CLSTN2: variants seen among roughly 807,000 people sequenced by gnomAD.
The protein encoded by CLSTN2 is calsyntenin 2, also known as calsyntenin-2.
A neutral mutation model predicts 101.2 loss-of-function variants in CLSTN2; 48 were observed. The ratio of observed to expected loss-of-function variants is 0.47; its 90% CI spans 0.38 to 0.60. CLSTN2 has a LOEUF of 0.60. CLSTN2 is among the 20% of genes least tolerant of loss of function. The probability of loss-of-function intolerance (pLI) is 0.00; values close to 1 mark genes in which losing one functional copy is unlikely to be tolerated. For synonymous variants in CLSTN2, 481 were observed against 463.6 expected, an observed-to-expected ratio of 1.04 and a Z score of -0.48; for missense variants, 1,160 against 1,238.2, an observed-to-expected ratio of 0.94 and a Z score of 0.95.
At chr3:140,475,521 G>T (rs1933964065) in intron 8 of CLSTN2, among the ~76,000 whole-genome samples, 2 of 152,156 alleles carry the variant, frequency 1.3e-5, no homozygotes, top group Admixed American at 6.5e-5. Context: ...TTCTAAAGAA[G>T]AATCCACACT....
chr3:140,288,887 C>G (rs911422662), intron 2 of CLSTN2, among the ~76,000 whole-genome samples: 3 of 152,146 alleles, frequency 2.0e-5, no homozygotes, highest in African/African-American at 7.2e-5. Flanking sequence ...TTTCACTCAC[C>G]CTTCATACCC....
At chr3:139,939,496 G>A (rs1935090303) in intron 1 of CLSTN2, among the ~76,000 whole-genome samples, 1 of 152,208 alleles carries the variant, frequency 6.6e-6, no homozygotes, top group Admixed American at 6.5e-5. Flanking sequence ...TGAGCTGTTT[G>A]CATCTTTGAG....
chr3:139,996,254 T>A (rs1343592025), intron 1 of CLSTN2, among the ~76,000 whole-genome samples: 1 of 152,226 alleles, frequency 6.6e-6, no homozygotes, highest in African/African-American at 2.4e-5. Flanking sequence ...TGCTTTAATA[T>A]GTTACTTTGT....
chr3:140,323,128 C>T (rs190698890), intron 2 of CLSTN2, among the ~76,000 whole-genome samples: 23 of 152,284 alleles, frequency 1.5e-4, no homozygotes, highest in African/African-American at 4.6e-4. Flanking sequence ...AGCCAGGAAA[C>T]GGAGGGGTTC....
chr3:140,482,640 G>C (rs1247977750), intron 8 of CLSTN2, among the ~76,000 whole-genome samples: 1 of 152,154 alleles, frequency 6.6e-6, no homozygotes, highest in African/African-American at 2.4e-5. Flanking sequence ...GGTCTATTCA[G>C]AGATTCAAAT....
intron 2 of CLSTN2, among the ~76,000 whole-genome samples, chr3:140,380,712 A>C (rs1481207456): frequency 6.6e-6 from 1 of 152,184 alleles, no homozygotes; most frequent in Non-Finnish European, 1.5e-5. Context: ...TTCAGTAAGC[A>C]TGCTGTGAGC....
Position 140,286,192 on chromosome 3 carries a change from T to C in CLSTN2, c.232+110119T>C, listed in dbSNP as rs1296821538. ...CTCTCTGTCCAGGTCCTGATTCAAA[T>C]GGAGGCCACCCCAATAGCCTGTGGA... is the stretch of plus-strand genomic sequence containing the variant. On this transcript the variant is annotated intron_variant, in intron 2 of 16. Transcript: ENST00000458420. 7.9e-5 allele frequency among the ~76,000 whole-genome samples: 12 copies of C among 152,236 alleles called. No homozygotes were observed. The East Asian group carries it at 2.3e-3, about 29-fold the overall frequency.
chr3:140,004,947 A>T (rs2006923987), intron 1 of CLSTN2, among the ~76,000 whole-genome samples: 1 of 152,208 alleles, frequency 6.6e-6, no homozygotes, highest in Non-Finnish European at 1.5e-5. Context: ...CTATTGGTCC[A>T]CTGGGACCAC....
At chr3:140,443,471 A>T (rs1012278448) in intron 5 of CLSTN2, among the ~76,000 whole-genome samples, 1 of 152,258 alleles carries the variant, frequency 6.6e-6, no homozygotes, top group South Asian at 2.1e-4. Context: ...AGAGGTAGTT[A>T]TAATAAAATC....
intron 8 of CLSTN2, among the ~76,000 whole-genome samples, chr3:140,485,992 G>T (rs923333234): frequency 1.3e-5 from 2 of 151,896 alleles, no homozygotes; most frequent in Non-Finnish European, 2.9e-5. Flanking sequence ...AGATGAACTC[G>T]GTACCTCAGT....
At chr3:140,471,033 T>C (rs1222752969) in intron 8 of CLSTN2, among the ~76,000 whole-genome samples, 1 of 152,152 alleles carries the variant, frequency 6.6e-6, no homozygotes, top group African/African-American at 2.4e-5. Flanking sequence ...GGTAAATCTA[T>C]TACCAGGCAG....
At chr3:139,982,299 T>C (rs902156882) in intron 1 of CLSTN2, among the ~76,000 whole-genome samples, 1 of 152,018 alleles carries the variant, frequency 6.6e-6, no homozygotes, top group Non-Finnish European at 1.5e-5. Context: ...GGGGGCTTTT[T>C]GGTACAAAAT....
intron 2 of CLSTN2, among the ~76,000 whole-genome samples, chr3:140,360,545 A>G (rs959117700): frequency 4.6e-5 from 7 of 152,142 alleles, no homozygotes; most frequent in Admixed American, 4.6e-4. Context: ...GTCACTAAGT[A>G]ATGAGAACGT....
intron 4 of CLSTN2, among the ~76,000 whole-genome samples, chr3:140,412,387 G>T (rs1254810181): frequency 6.6e-6 from 1 of 152,178 alleles, no homozygotes; most frequent in African/African-American, 2.4e-5. Context: ...TTCACTGAAA[G>T]GTAGTCACTG....
intron 8 of CLSTN2, among the ~76,000 whole-genome samples, chr3:140,470,258 A>C (rs1037688011): frequency 1.3e-5 from 2 of 152,256 alleles, no homozygotes; most frequent in African/African-American, 4.8e-5. Flanking sequence ...GTTCTTTAGA[A>C]GTTTCCATGA....
At chr3:140,241,870 CATATATATAT>C (rs72373622) in intron 2 of CLSTN2, among the ~76,000 whole-genome samples, 23 of 132,292 alleles carry the variant, frequency 1.7e-4, no homozygotes, top group Middle Eastern at 3.9e-3. Flanking sequence ...TATATATACA[CATATATATAT>C]ACACACACAC....
intron 2 of CLSTN2, among the ~76,000 whole-genome samples, chr3:140,187,380 C>A (rs368046280): frequency 1.3e-5 from 2 of 152,248 alleles, no homozygotes; most frequent in African/African-American, 4.8e-5. Flanking sequence ...TCCTGACATA[C>A]CCCTGGATCA....
At chr3:140,267,807 G>A (rs896930753) in intron 2 of CLSTN2, among the ~76,000 whole-genome samples, 7 of 152,150 alleles carry the variant, frequency 4.6e-5, no homozygotes, top group African/African-American at 1.4e-4. Context: ...ACTTGGAAAG[G>A]TGGGAACTGT....
intron 2 of CLSTN2, among the ~76,000 whole-genome samples, chr3:140,207,647 A>C (rs2107844807): frequency 6.6e-6 from 1 of 152,326 alleles, no homozygotes; most frequent in South Asian, 2.1e-4. Flanking sequence ...TAAATAGAAT[A>C]TCCTGTGCCT....
Sources: gnomAD v4.1 joint callset for allele counts (sites outside exome capture counted in the v4.1 genomes callset) on GRCh38, gnomAD v4.1.1 for gene constraint, MANE v1.5 for transcripts, NCBI Gene and HGNC (gene_info 2026-07-23, HGNC 2026-07-21) for gene names.